Variants in LNP1 observed in about 807,000 individuals in gnomAD.
LNP1 encodes leukemia NUP98 fusion partner 1.
A neutral mutation model predicts 14.5 loss-of-function variants in LNP1; 12 were observed. The ratio of observed to expected loss-of-function variants is 0.83; its 90% CI spans 0.53 to 1.34. LNP1 has a LOEUF of 1.34. Among genes scored for constraint, LNP1 ranks in the 40% most tolerant of loss-of-function variants. LNP1 has a pLI of 0.00. For synonymous variants in LNP1, 75 were observed against 71.4 expected (o/e 1.05, Z -0.26); for missense variants, 198 against 210.9 (o/e 0.94, Z 0.38).
intron 2 of LNP1, among the ~76,000 whole-genome samples, chr3:100,431,992 TTATATATATATATATATA>T (rs66513332): frequency 0.023 from 792 of 34,484 alleles, 36 homozygotes; most frequent in Middle Eastern, 0.12. Flanking sequence ...GAGACCTTGT[TTATATATATATATATATA>T]TATATATATA....
chr3:100,436,196 C>G (rs554174080), intron 2 of LNP1, among the ~76,000 whole-genome samples: 4 of 152,234 alleles, frequency 2.6e-5, no homozygotes, highest in African/African-American at 9.6e-5. Context: ...CTGGCATGGC[C>G]TTAGGTCCTG....
At chr3:100,404,966 G>A (rs1265633025) in intron 1 of LNP1, among the ~76,000 whole-genome samples, 1 of 151,780 alleles carries the variant, frequency 6.6e-6, no homozygotes, top group Non-Finnish European at 1.5e-5. Context: ...ATAATTTTTT[G>A]TATTTTTAGT....
At chr3:100,425,683 G>A (rs1707185597) in intron 1 of LNP1, among the ~76,000 whole-genome samples, 1 of 152,094 alleles carries the variant, frequency 6.6e-6, no homozygotes, top group South Asian at 2.1e-4. Context: ...GAAAGGGTTG[G>A]GTGTAAGAGG....
chr3:100,425,347 C>A (rs985157397), intron 1 of LNP1, among the ~76,000 whole-genome samples: 1 of 152,118 alleles, frequency 6.6e-6, no homozygotes, highest in African/African-American at 2.4e-5. Context: ...AGTTTTTCTC[C>A]TAAGTGTGGA....
intron 1 of LNP1, among the ~76,000 whole-genome samples, chr3:100,413,115 A>G (rs377426281): frequency 3.9e-5 from 6 of 152,296 alleles, no homozygotes; most frequent in African/African-American, 1.2e-4. Context: ...AACCACCTTT[A>G]TAGCCTCTGG....
intron 1 of LNP1, among the ~76,000 whole-genome samples, chr3:100,415,167 AACTT>A (rs1205227841): frequency 6.6e-6 from 1 of 152,200 alleles, no homozygotes; most frequent in Non-Finnish European, 1.5e-5. Context: ...AAAAGATTTT[AACTT>A]ACAGAAAACA....
chr3:100,447,054 A>G (rs868562613), intron 2 of LNP1, among the ~76,000 whole-genome samples: 1 of 152,218 alleles, frequency 6.6e-6, no homozygotes, highest in Admixed American at 6.5e-5. Flanking sequence ...TTCCTCAAGG[A>G]TCTAGAACTA....
intron 2 of LNP1, among the ~76,000 whole-genome samples, chr3:100,434,380 G>A (rs899194938): frequency 6.6e-6 from 1 of 152,116 alleles, no homozygotes; most frequent in Admixed American, 6.5e-5. Flanking sequence ...GGTTATATAA[G>A]TGTGGTCTTA....
Position 100,413,726 on chromosome 3 carries a change from G to T in LNP1, c.-34+11287G>T, listed in dbSNP as rs1209334701. On this transcript the variant is annotated intron_variant, in intron 1 of 3. Coordinates refer to ENST00000383693, the MANE Select transcript of LNP1 (RefSeq NM_001085451.2). Reference sequence around the variant, plus strand: ...TGAGGTCCAGCATGCACTTTGCTCAGCACAGCCTTCTGTCAGGCTGGGTCT... The same window carrying T: ...TGAGGTCCAGCATGCACTTTGCTCATCACAGCCTTCTGTCAGGCTGGGTCT... Among the ~76,000 whole-genome samples, 3 of 152,230 alleles carry T rather than the reference G, an allele frequency of 2.0e-5. No homozygotes were observed. In the East Asian group the frequency reaches 5.8e-4, roughly 29 times the overall value.
chr3:100,408,728 A>G (rs1232602109), intron 1 of LNP1, among the ~76,000 whole-genome samples: 1 of 152,072 alleles, frequency 6.6e-6, no homozygotes, highest in Non-Finnish European at 1.5e-5. Flanking sequence ...CAGGCCTGGT[A>G]TTGGGGTCCA....
At chr3:100,425,204 G>A (rs887837093) in intron 1 of LNP1, among the ~76,000 whole-genome samples, 1 of 152,332 alleles carries the variant, frequency 6.6e-6, no homozygotes, top group East Asian at 1.9e-4. Context: ...TAGTCAGGTA[G>A]CACAGGTTAG....
chr3:100,453,463 A>G (rs568586841), intron 3 of LNP1, among the ~76,000 whole-genome samples: 2 of 150,456 alleles, frequency 1.3e-5, no homozygotes, highest in East Asian at 3.9e-4. Context: ...GGTGTCCTGC[A>G]CCTGTATTCC....
chr3:100,410,596 AAGG>A (rs1298936492), intron 1 of LNP1, among the ~76,000 whole-genome samples: 1 of 152,156 alleles, frequency 6.6e-6, no homozygotes, highest in African/African-American at 2.4e-5. Flanking sequence ...GGTTAGGAAA[AAGG>A]AGCCAGAACA....
In LNP1 at chr3:100,456,002, G is replaced by A. The variant is rs1402201336; in HGVS notation, c.*76G>A. On this transcript the variant is annotated 3_prime_UTR_variant, in exon 4 of 4. Transcript: ENST00000383693. ...TTTGAGCCCCAATTCACCATTTCAGGATGTGGATGGGGGCGGGGTTGGGGG... is the reference window on the plus strand; with the variant it reads ...TTTGAGCCCCAATTCACCATTTCAGAATGTGGATGGGGGCGGGGTTGGGGG... 3 of 1,490,318 alleles carry A rather than the reference G, an allele frequency of 2.0e-6. No homozygotes were observed. The highest frequency in any genetic ancestry group is 2.7e-6 in the Non-Finnish European group (3 of 1,101,186). The allele number at this position is 1,490,318 out of a possible 1,614,324, so 92.3% of individuals were successfully genotyped here.
chr3:100,450,437 G>A (rs889037650), intron 2 of LNP1, among the ~76,000 whole-genome samples: 2 of 151,268 alleles, frequency 1.3e-5, no homozygotes, highest in Non-Finnish European at 2.9e-5. Flanking sequence ...GGGTTCAAGC[G>A]ATTCTCCTGC....
chr3:100,429,936 T>C, intron 2 of LNP1, 51 bp downstream of exon 2: 3 of 1,558,460 alleles, frequency 1.9e-6, no homozygotes, highest in Non-Finnish European at 2.6e-6. Flanking sequence ...GGGGAGGGGG[T>C]TTCTCTTAGA....
intron 2 of LNP1, among the ~76,000 whole-genome samples, chr3:100,433,311 A>G (rs1402431127): frequency 6.6e-6 from 1 of 152,148 alleles, no homozygotes; most frequent in Non-Finnish European, 1.5e-5. Flanking sequence ...GGGTGAGAAC[A>G]TGTGGTGTTT....
At chr3:100,424,132 C>T (rs1707171341) in intron 1 of LNP1, among the ~76,000 whole-genome samples, 2 of 152,106 alleles carry the variant, frequency 1.3e-5, no homozygotes, top group African/African-American at 4.8e-5. Flanking sequence ...AGTTGGAAGT[C>T]TCATTTTCTT....
intron 1 of LNP1, among the ~76,000 whole-genome samples, chr3:100,404,156 G>A (rs1706941436): frequency 6.6e-6 from 1 of 152,094 alleles, no homozygotes; most frequent in South Asian, 2.1e-4. Flanking sequence ...TTATAATTAG[G>A]CTGAAAGTGC....
Sources: gnomAD v4.1 joint callset for allele counts (sites outside exome capture counted in the v4.1 genomes callset) on GRCh38, gnomAD v4.1.1 for gene constraint, MANE v1.5 for transcripts, NCBI Gene and HGNC (gene_info 2026-07-23, HGNC 2026-07-21) for gene names.